SLC22A23: variants seen among roughly 807,000 people sequenced by gnomAD.
The protein encoded by SLC22A23 is solute carrier family 22 member 23.
In SLC22A23, 26 loss-of-function variants were observed where a neutral mutation model predicts 61.0. The ratio of observed to expected loss-of-function variants is 0.43; its 90% CI spans 0.31 to 0.59. The LOEUF is 0.59. Ranked by LOEUF, SLC22A23 falls within the 20% of genes least tolerant of loss-of-function variation. SLC22A23 has a pLI of 0.11. For synonymous variants in SLC22A23, 430 were observed against 413.9 expected (o/e 1.04, Z -0.47); for missense variants, 796 against 934.7 (o/e 0.85, Z 1.94).
chr6:3,408,497 C>T (rs1221503511), intron 3 of SLC22A23, among the ~76,000 whole-genome samples: 3 of 152,084 alleles, frequency 2.0e-5, no homozygotes, highest in Admixed American at 2.0e-4. Flanking sequence ...ATGGCAAATG[C>T]CAGTTACACA....
intron 9 of SLC22A23, among the ~76,000 whole-genome samples, chr6:3,279,371 T>C (rs1759207919): frequency 6.6e-6 from 1 of 150,978 alleles, no homozygotes; most frequent in Admixed American, 6.6e-5. Flanking sequence ...ATTAGTTGGG[T>C]GTGGTGGCGC....
intron 1 of SLC22A23, among the ~76,000 whole-genome samples, chr6:3,435,865 T>C (rs1225676729): frequency 1.3e-5 from 2 of 151,998 alleles, no homozygotes; most frequent in Non-Finnish European, 2.9e-5. Flanking sequence ...CAAGGAGAGA[T>C]GAGGACACAG....
intron 3 of SLC22A23, among the ~76,000 whole-genome samples, chr6:3,358,085 A>T (rs181212358): frequency 5.3e-5 from 8 of 152,294 alleles, no homozygotes; most frequent in Admixed American, 5.2e-4. Flanking sequence ...AGTCCCCAGG[A>T]TGGAGAGAAA....
chr6:3,302,122 T>C (rs1417187058), intron 4 of SLC22A23, among the ~76,000 whole-genome samples: 2 of 152,236 alleles, frequency 1.3e-5, no homozygotes, highest in Non-Finnish European at 2.9e-5. Flanking sequence ...TTACTTGTTA[T>C]TGGTCTGTTC....
chr6:3,331,993 G>A (rs1763604315), intron 3 of SLC22A23, among the ~76,000 whole-genome samples: 1 of 152,132 alleles, frequency 6.6e-6, no homozygotes, highest in Non-Finnish European at 1.5e-5. Flanking sequence ...AGTTTTTCTG[G>A]TGCTATCCAT....
chr6:3,343,310 C>T (rs10498660), intron 3 of SLC22A23, among the ~76,000 whole-genome samples: 53,652 of 152,044 alleles, frequency 0.35, 9,732 homozygotes, highest in Middle Eastern at 0.44. Flanking sequence ...AGTGCTAATC[C>T]CATTTAACAG....
chr6:3,289,679 G>A, intron 6 of SLC22A23, 85 bp downstream of exon 6: 4 of 1,086,860 alleles, frequency 3.7e-6, no homozygotes, highest in Non-Finnish European at 5.4e-6. Context: ...CAGCGGGGTG[G>A]GGAGCAGGGC....
intron 3 of SLC22A23, among the ~76,000 whole-genome samples, chr6:3,352,376 C>T (rs1764823885): frequency 6.6e-6 from 1 of 152,006 alleles, no homozygotes; most frequent in Non-Finnish European, 1.5e-5. Context: ...TACAGACATG[C>T]ACAGACACAC....
intron 9 of SLC22A23, among the ~76,000 whole-genome samples, chr6:3,279,669 T>G (rs1187398919): frequency 6.6e-6 from 1 of 151,954 alleles, no homozygotes; most frequent in Non-Finnish European, 1.5e-5. Flanking sequence ...AGGTGTTGGG[T>G]TCCTTTCCTG....
chr6:3,289,930 C>T (rs770124692), intron 5 of SLC22A23, 64 bp from the exon 6 acceptor site: 4 of 1,314,760 alleles, frequency 3.0e-6, no homozygotes, highest in African/African-American at 2.9e-5. Context: ...ACAGCAGCTG[C>T]AGTCACAGCC....
intron 1 of SLC22A23, among the ~76,000 whole-genome samples, chr6:3,421,938 C>T (rs371043406): frequency 5.3e-5 from 8 of 152,088 alleles, no homozygotes; most frequent in Non-Finnish European, 1.0e-4. Context: ...CTGACTAAAG[C>T]GAAAAGTGTT....
At chr6:3,406,976 A>G (rs938102009) in intron 3 of SLC22A23, among the ~76,000 whole-genome samples, 2 of 152,126 alleles carry the variant, frequency 1.3e-5, no homozygotes, top group Admixed American at 6.5e-5. Context: ...CAAGAAACTA[A>G]AACTGCAAAA....
intron 4 of SLC22A23, among the ~76,000 whole-genome samples, chr6:3,316,598 G>A (rs1018634568): frequency 6.6e-5 from 10 of 152,178 alleles, no homozygotes; most frequent in African/African-American, 2.4e-4. Flanking sequence ...GGAGCTTGTC[G>A]AACTAGCATC....
chr6:3,415,201 A>G (rs1769602295), intron 2 of SLC22A23, among the ~76,000 whole-genome samples: 1 of 152,146 alleles, frequency 6.6e-6, no homozygotes, highest in African/African-American at 2.4e-5. Context: ...CCCTGCCCAC[A>G]GCGCCCATCT....
chr6:3,363,447 T>C lies in SLC22A23; in HGVS notation c.914-39445A>G, dbSNP rs538130354. ...CCCAGGACACAGGCTGAGGAGAGGC[T>C]GTGAGGGAGAAGGGGAGGGGATGGA... On this transcript the variant is annotated intron_variant, in intron 3 of 9. Coordinates refer to ENST00000406686, the MANE Select transcript of SLC22A23 (RefSeq NM_015482.2). 1.7e-4 allele frequency among the ~76,000 whole-genome samples: 26 copies of C among 152,334 alleles called. No homozygotes were observed. In the South Asian group the frequency reaches 5.0e-3, roughly 29 times the overall value.
chr6:3,307,150 TG>T (rs1762035992), intron 4 of SLC22A23, among the ~76,000 whole-genome samples: 1 of 152,244 alleles, frequency 6.6e-6, no homozygotes, highest in Admixed American at 6.5e-5. Context: ...AGGTGGCACT[TG>T]GTTACTGACA....
intron 3 of SLC22A23, among the ~76,000 whole-genome samples, chr6:3,370,067 C>T (rs868421667): frequency 3.3e-5 from 5 of 152,150 alleles, no homozygotes; most frequent in African/African-American, 9.7e-5. Flanking sequence ...ATAAGAAAAT[C>T]GGCTACAATA....
At chr6:3,293,161 C>T (rs1046313258) in intron 5 of SLC22A23, among the ~76,000 whole-genome samples, 8 of 151,990 alleles carry the variant, frequency 5.3e-5, no homozygotes, top group African/African-American at 9.7e-5. Flanking sequence ...TCCTAGTGGA[C>T]GATGCTAGTG....
chr6:3,285,659 G>A (rs1759923752), intron 7 of SLC22A23, among the ~76,000 whole-genome samples: 1 of 152,248 alleles, frequency 6.6e-6, no homozygotes, highest in African/African-American at 2.4e-5. Flanking sequence ...GAGGGAGACA[G>A]GCGCCACGTG....
Sources: allele counts gnomAD v4.1 joint callset (sites outside exome capture counted in the v4.1 genomes callset), GRCh38; gene constraint gnomAD v4.1.1; transcripts MANE v1.5; gene names NCBI Gene and HGNC (gene_info 2026-07-23, HGNC 2026-07-21).